Variants in SLC43A2 observed in about 807,000 individuals in gnomAD.
SLC43A2 encodes the protein large neutral amino acids transporter small subunit 4.
SLC43A2 carries 38 observed loss-of-function variants against 63.2 expected under a neutral mutation model. The observed-to-expected ratio is 0.60, with a 90% confidence interval of 0.46 to 0.79. The LOEUF (loss-of-function observed/expected upper bound fraction) is 0.79, where lower values mean the gene tolerates loss of function less well. Ranked by LOEUF, SLC43A2 falls within the 30% of genes least tolerant of loss-of-function variation. SLC43A2 has a pLI of 0.00. For missense variants in SLC43A2, 644 were observed against 756.2 expected, an observed-to-expected ratio of 0.85 and a Z score of 1.74; for synonymous variants, 322 against 331.0, an observed-to-expected ratio of 0.97 and a Z score of 0.30.
intron 5 of SLC43A2, among the ~76,000 whole-genome samples, chr17:1,594,533 C>G (rs1905094768): frequency 1.3e-5 from 2 of 152,078 alleles, no homozygotes; most frequent in South Asian, 4.1e-4. Context: ...TAATCTATGT[C>G]CCCTCCACCC....
Position 1,590,812 on chromosome 17 carries a change from G to T in SLC43A2, c.1068C>A (p.Asp356Glu). 1 of 1,554,848 alleles carries T rather than the reference G, an allele frequency of 6.4e-7. No individual in the cohort carries two copies. The highest frequency in any genetic ancestry group is 8.7e-7 in the Non-Finnish European group (1 of 1,148,708). The change falls in exon 9 of 14, where the codon GAC becomes GAA. Residue 356 changes from aspartate (D) to glutamate (E), a missense_variant. By Grantham distance (45) the Asp-to-Glu change is conservative. Coordinates refer to ENST00000301335, the MANE Select transcript of SLC43A2 (RefSeq NM_152346.3). ...GCCCGGGGCACCTACCTGTCTTCTG[G>T]TCGCCGCTGACCAGGAACTTGAGGA... ...NNILKFLVSGDQKTVGLYTSI... is the reference protein window; with the variant it reads ...NNILKFLVSGEQKTVGLYTSI...
intron 5 of SLC43A2, among the ~76,000 whole-genome samples, chr17:1,596,342 G>A (rs1905270367): frequency 6.6e-6 from 1 of 151,680 alleles, no homozygotes; most frequent in Non-Finnish European, 1.5e-5. Context: ...AGTGAAAACA[G>A]GCTGGGAGTG....
rs1057288820 is a variant in SLC43A2 at position 1,583,062 on chromosome 17, G to A, written c.1350+142C>T. The A allele has an allele frequency of 1.1e-6, 1 of 924,580 alleles. No homozygotes were observed. The highest frequency in any genetic ancestry group is 1.7e-5 in the African/African-American group (1 of 60,526). The allele number at this position is 924,580 out of a possible 1,614,324, so 57.3% of individuals were successfully genotyped here. A position where few individuals can be genotyped will look rare whatever the true frequency, so the allele number is the denominator to read the frequency against. ...CCACTGCACTCCAGCCTGAGCAACA[G>A]AGTTTGACTCTGTCTCAAAAAAATA... On this transcript the variant is annotated intron_variant, in intron 11 of 13. Transcript: ENST00000301335. This position sits in a 1 kb window ranked among gnomAD's most constrained non-coding sequence, Gnocchi z 5.5.
intron 2 of SLC43A2, among the ~76,000 whole-genome samples, chr17:1,623,761 T>C (rs1196034756): frequency 7.3e-6 from 1 of 136,458 alleles, no homozygotes; most frequent in East Asian, 2.2e-4. Context: ...TGTACCCTCC[T>C]CTCCTCCAGG....
At chr17:1,575,805 G>T (rs2075918051) in intron 13 of SLC43A2, 40 bp from the exon 14 acceptor site, 1 of 1,565,292 alleles carries the variant, frequency 6.4e-7, no homozygotes, top group African/African-American at 1.4e-5. Flanking sequence ...GGGCGTGGTG[G>T]TGCGCCGAGG....
At position 1,576,684 on chromosome 17, in the gene SLC43A2, C is replaced by A. The variant is rs371298389; in HGVS notation, c.1461G>T (p.Leu487=). The A allele has an allele frequency of 2.5e-6, 4 of 1,610,844 alleles. No individual in the cohort carries two copies. In the African/African-American group the frequency reaches 5.3e-5, roughly 22 times the overall value. The change falls in exon 13 of 14, where the codon CTG becomes CTT. Residue 487 remains leucine, a synonymous_variant. Transcript: ENST00000301335. Reference sequence around the variant, plus strand: ...CGAAGAGCGCGCTGATCAGAGACTGCAGTCCCGTGAGGCTGCCGAACTGGG... The same window carrying A: ...CGAAGAGCGCGCTGATCAGAGACTGAAGTCCCGTGAGGCTGCCGAACTGGG... The part of the protein sequence containing the change: ...PSTQFGSLTG[L]QSLISALFAL...
chr17:1,582,841 G>A (rs942993518), intron 11 of SLC43A2, among the ~76,000 whole-genome samples: 11 of 152,226 alleles, frequency 7.2e-5, no homozygotes, highest in African/African-American at 2.4e-4. Context: ...CACTTTGGGA[G>A]GCCAAGGCGG....
intron 2 of SLC43A2, among the ~76,000 whole-genome samples, chr17:1,620,661 CCTT>C (rs1447601442): frequency 1.3e-5 from 2 of 151,672 alleles, no homozygotes; most frequent in African/African-American, 4.9e-5. Flanking sequence ...AGCGGCTTCT[CCTT>C]CTGCTTGTGG....
intron 9 of SLC43A2, among the ~76,000 whole-genome samples, chr17:1,589,684 A>G (rs1481080331): frequency 6.6e-6 from 1 of 152,164 alleles, no homozygotes; most frequent in African/African-American, 2.4e-5. Flanking sequence ...CAGTGGCGCA[A>G]TCTCGGCTCA....
chr17:1,583,505 C>CAGCTTGCCA lies in SLC43A2; in HGVS notation c.1218-170_1218-169insTGGCAAGCT. The CAGCTTGCCA allele has an allele frequency of 1.7e-6, 2 of 1,185,992 alleles. No individual in the cohort carries two copies. Among genetic ancestry groups the CAGCTTGCCA allele is most frequent in the Non-Finnish European group, 2.3e-6 (2 of 875,202 alleles). 73.5% of individuals were successfully genotyped at this position (1,185,992 alleles called of 1,614,324 possible). A position where few individuals can be genotyped will look rare whatever the true frequency, so the allele number is the denominator to read the frequency against. On this transcript the variant is annotated intron_variant, in intron 10 of 13. Coordinates refer to ENST00000301335, the MANE Select transcript of SLC43A2 (RefSeq NM_152346.3). This position sits in a 1 kb window ranked among gnomAD's most constrained non-coding sequence, Gnocchi z 5.5. The stretch of plus-strand genomic sequence containing the variant: ...GGGCTGGACCAGCACTACGGACACT[C>CAGCTTGCCA]CCCGGCCCTTCTCAGTGGCAAGCTG...
chr17:1,628,073 G>C, intron 1 of SLC43A2, 153 bp from the exon 2 acceptor site: 1 of 751,676 alleles, frequency 1.3e-6, no homozygotes. Flanking sequence ...CCCCAGCCCT[G>C]CCCGGACCTG....
At chr17:1,581,240 C>T (rs112967399) in intron 11 of SLC43A2, among the ~76,000 whole-genome samples, 8,490 of 84,146 alleles carry the variant, frequency 0.1, 769 homozygotes, top group African/African-American at 0.25. Flanking sequence ...TGCAGGCCTC[C>T]CCACCTCAAA....
Position 1,585,973 on chromosome 17 carries a change from T to G in SLC43A2, c.1157A>C (p.Asp386Ala). 6.2e-7 allele frequency: 1 copy of G among 1,613,388 alleles called. No homozygotes were observed. The highest frequency in any genetic ancestry group is 2.2e-5 in the East Asian group (1 of 44,888). Residue 386 changes from aspartate (D) to alanine (A), a missense_variant, in exon 10 of 14, where the codon GAC (aspartate) becomes GCC (alanine). By Grantham distance (126) the Asp-to-Ala change is moderately radical. Transcript: ENST00000301335. The part of the protein sequence containing the change: ...LTAPVIGYIM[D>A]WRLKECEDAS... ...GTCTTCACACTCCTTCAGCCTCCAGTCCATGATGTAGCCAATGACGGGGGC... is the reference window on the plus strand; with the variant it reads ...GTCTTCACACTCCTTCAGCCTCCAGGCCATGATGTAGCCAATGACGGGGGC...
Position 1,616,595 on chromosome 17 carries a change from T to C in SLC43A2, c.335A>G (p.Lys112Arg), listed in dbSNP as rs1907687742. ...CAGCCTGAGCTTCCTCGGGCCATAC[T>C]TGTCCATGACGATACCCAGGGGCAG... ...ITLPLGIVMD[K>R]YGPRKLRLLG... Residue 112 changes from lysine to arginine, a missense_variant, in exon 3 of 14, where the codon AAG becomes AGG. This residue lies in a region of SLC43A2 where 528 missense variants were observed against 623.6 expected (regional missense o/e 0.85). Coordinates refer to ENST00000301335, the MANE Select transcript of SLC43A2 (RefSeq NM_152346.3). 7 of 1,613,830 alleles carry C rather than the reference T, an allele frequency of 4.3e-6. No individual in the cohort carries two copies. Among genetic ancestry groups the C allele is most frequent in the Non-Finnish European group, 5.9e-6 (7 of 1,179,870 alleles).
At chr17:1,586,871 A>G in intron 9 of SLC43A2, 8 of 1,474,734 alleles carry the variant, frequency 5.4e-6, no homozygotes, top group Non-Finnish European at 7.3e-6. Context: ...TGAGGTGAGG[A>G]GCTTCTGGGT....
At chr17:1,627,484 G>A (rs1158120670) in intron 2 of SLC43A2, among the ~76,000 whole-genome samples, 1 of 152,196 alleles carries the variant, frequency 6.6e-6, no homozygotes, top group Non-Finnish European at 1.5e-5. Flanking sequence ...GCAGGCCCAG[G>A]CTCTGCGGCC....
At position 1,585,957 on chromosome 17, in the gene SLC43A2, C is replaced by A. The variant is rs1462115324; in HGVS notation, c.1173G>T (p.Glu391Asp). Residue 391 changes from glutamate (E) to aspartate (D), a missense_variant, in exon 10 of 14, where the codon GAG (glutamate) becomes GAT (aspartate). Physicochemically the swap from Glu to Asp is conservative, Grantham distance 45. This residue lies in a region of SLC43A2 where 528 missense variants were observed against 623.6 expected (regional missense o/e 0.85). Coordinates refer to ENST00000301335, the MANE Select transcript of SLC43A2 (RefSeq NM_152346.3). Reference protein sequence around the residue: ...IGYIMDWRLKECEDASEEPEE... With the variant: ...IGYIMDWRLKDCEDASEEPEE... ...CGGGCTCCTCGGAGGCGTCTTCACA[C>A]TCCTTCAGCCTCCAGTCCATGATGT... The A allele has an allele frequency of 5.0e-6, 8 of 1,613,526 alleles. No individual in the cohort carries two copies. Among genetic ancestry groups the A allele is most frequent in the Non-Finnish European group, 6.8e-6 (8 of 1,179,988 alleles).
intron 5 of SLC43A2, among the ~76,000 whole-genome samples, chr17:1,607,380 C>T (rs1293082014): frequency 1.3e-5 from 2 of 152,192 alleles, no homozygotes; most frequent in East Asian, 3.8e-4. Context: ...TTCGGCTCTG[C>T]TCAGCAGAAG....
In SLC43A2 at chr17:1,593,326, G is replaced by T; in HGVS notation, c.502-47C>A. 6.4e-7 allele frequency: 1 copy of T among 1,556,698 alleles called. No homozygotes were observed. The highest frequency in any genetic ancestry group is 1.4e-5 in the African/African-American group (1 of 74,014). On this transcript the variant is annotated intron_variant, in intron 5 of 13. Coordinates refer to ENST00000301335, the MANE Select transcript of SLC43A2 (RefSeq NM_152346.3). This position sits in a 1 kb window ranked among gnomAD's most constrained non-coding sequence, Gnocchi z 5.3. ...AACCTCAGTGGGGAGGATGCACCAG[G>T]GAAGGGGAGGAGGAGGGGACAGAGA... is the stretch of plus-strand genomic sequence containing the variant.
Sources: gnomAD v4.1 joint callset for allele counts (sites outside exome capture counted in the v4.1 genomes callset) on GRCh38, gnomAD v4.1.1 for gene constraint, gnomAD v4.1.1 regional missense constraint, Gnocchi (gnomAD v3.1) non-coding constraint, MANE v1.5 for transcripts, NCBI Gene and HGNC (gene_info 2026-07-23, HGNC 2026-07-21) for gene names.